Variants in DIP2A observed in about 807,000 individuals in gnomAD.
DIP2A encodes the protein disco-interacting protein 2 homolog A.
A neutral mutation model predicts 177.4 loss-of-function variants in DIP2A; 85 were observed. The observed-to-expected ratio is 0.48, with a 90% CI of 0.40 to 0.57. The LOEUF is 0.57. Among genes scored for constraint, DIP2A ranks in the 20% least tolerant of loss-of-function variants. The pLI, the probability that DIP2A is intolerant of heterozygous loss-of-function variation, is 0.00. For synonymous variants in DIP2A, 886 were observed against 881.8 expected, an observed-to-expected ratio of 1.00 and a Z score of -0.08; for missense variants, 1,791 against 2,100.2, an observed-to-expected ratio of 0.85 and a Z score of 2.88.
chr21:46,583,063 A>G, the DIP2A span, among the ~76,000 whole-genome samples: 1 of 152,192 alleles, frequency 6.6e-6, no homozygotes, highest in Non-Finnish European at 1.5e-5. Context: ...GGATGAGAAA[A>G]GGTACATCAT....
chr21:46,489,187 G>T (rs1302548829), intron 2 of DIP2A, among the ~76,000 whole-genome samples: 2 of 152,220 alleles, frequency 1.3e-5, no homozygotes, highest in Non-Finnish European at 2.9e-5. Flanking sequence ...ACTGATTTCT[G>T]TAGAGAGTGT....
chr21:46,536,548 A>G (rs1033088675), intron 13 of DIP2A, among the ~76,000 whole-genome samples: 1 of 152,184 alleles, frequency 6.6e-6, no homozygotes, highest in African/African-American at 2.4e-5. Flanking sequence ...AATATCCCTG[A>G]CAGTTTTTCA....
At chr21:46,539,488 C>A (rs1052548890) in intron 16 of DIP2A, 1 of 323,172 alleles carries the variant, frequency 3.1e-6, no homozygotes, top group Non-Finnish European at 6.1e-6. Context: ...CCCAGGCGCA[C>A]CGCCACTCCG....
rs553400083 is a variant in DIP2A at position 46,541,995 on chromosome 21, C to A, written c.2176+100C>A. On this transcript the variant is annotated intron_variant, in intron 18 of 37. Coordinates refer to ENST00000417564, the MANE Select transcript of DIP2A (RefSeq NM_015151.4). ...GACGGAGTCTTGCTTTGTCACCAGGCTGGAGTGCAGTGGTGTGATCTTGGC... is the reference window on the plus strand; with the variant it reads ...GACGGAGTCTTGCTTTGTCACCAGGATGGAGTGCAGTGGTGTGATCTTGGC... 13 of 1,452,120 alleles carry A rather than the reference C, an allele frequency of 9.0e-6. No homozygotes were observed. The Admixed American group carries it at 2.1e-4, about 24-fold the overall frequency. 90.0% of individuals were successfully genotyped at this position (1,452,120 alleles called of 1,614,324 possible). A position where few individuals can be genotyped will look rare whatever the true frequency, so the allele number is the denominator to read the frequency against.
chr21:46,554,786 G>GCAC, intron 27 of DIP2A, 36 bp from the exon 28 acceptor site: 10 of 1,519,124 alleles, frequency 6.6e-6, no homozygotes, highest in South Asian at 3.6e-5. Flanking sequence ...AGCTTGAGAG[G>GCAC]CCCCGCCCAC....
intron 28 of DIP2A, 135 bp downstream of exon 28, chr21:46,555,068 T>G (rs1601827473): frequency 1.1e-6 from 1 of 901,934 alleles, no homozygotes. Context: ...CAGCAGGGGG[T>G]GCCCCGGGCC....
chr21:46,504,803 GTTTC>G (rs2057888185), intron 6 of DIP2A, among the ~76,000 whole-genome samples: 2 of 152,192 alleles, frequency 1.3e-5, no homozygotes, highest in African/African-American at 4.8e-5. Context: ...GCTGTGGGAA[GTTTC>G]TTTATTTAGA....
Position 46,533,525 on chromosome 21 carries a change from A to T in DIP2A, c.1307A>T (p.Asp436Val), listed in dbSNP as rs749398219. 1 of 1,613,160 alleles carries T rather than the reference A, an allele frequency of 6.2e-7. No individual in the cohort carries two copies. The highest frequency in any genetic ancestry group is 2.2e-5 in the East Asian group (1 of 44,866). Residue 436 changes from aspartate (D) to valine (V), a missense_variant and splice_region_variant, in exon 11 of 38, where the codon GAT becomes GTT. By Grantham distance (152) the Asp-to-Val change is radical. Coordinates refer to ENST00000417564, the MANE Select transcript of DIP2A (RefSeq NM_015151.4). ...ACACGGTCACTCTGCTTTCTGCAGG[A>T]TGCAGGCAGCCAGCAGGTTGGGTTT... ...VPIEVPLTRK[D>V]AGSQQVGFLL...
At chr21:46,581,967 G>C in the DIP2A span, among the ~76,000 whole-genome samples, 7,826 of 152,278 alleles carry the variant, frequency 0.051, 286 homozygotes, top group Non-Finnish European at 0.076. Context: ...CTGCCCCTTG[G>C]TGGAGTGGGT....
rs149955222 is a variant in DIP2A, at chr21:46,485,993, C to T, written c.163+1165C>T. Among the ~76,000 whole-genome samples the T allele has an allele frequency of 9.3e-4, 135 of 145,718 alleles. 2 individuals are homozygous for T. The East Asian group carries it at 0.027, about 29-fold the overall frequency. ...GGCTGAGACAGGAGAATCACTTGAA[C>T]CTGGGAGGTGGAGGTTGCAGTGAGC... On this transcript the variant is annotated intron_variant, in intron 2 of 37. Coordinates refer to ENST00000417564, the MANE Select transcript of DIP2A (RefSeq NM_015151.4).
rs1235664008 is a variant in DIP2A at position 46,545,871 on chromosome 21, C to A, written c.2314-10C>A. On this transcript the variant is annotated splice_polypyrimidine_tract_variant and intron_variant, in intron 19 of 37. Coordinates refer to ENST00000417564, the MANE Select transcript of DIP2A (RefSeq NM_015151.4). ...CACAGCCTGATCGTGCCCCTCTCCA[C>A]TTTGTGCAGGCAGTTCCGGTCACCA... 3.7e-6 allele frequency: 6 copies of A among 1,613,194 alleles called. No homozygotes were observed. In the East Asian group the frequency reaches 1.3e-4, roughly 36 times the overall value.
chr21:46,579,815 A>G, the DIP2A span, among the ~76,000 whole-genome samples: 3 of 152,134 alleles, frequency 2.0e-5, no homozygotes, highest in Non-Finnish European at 1.5e-5. Context: ...GTGGTCTGAA[A>G]GACTGTTATA....
intron 8 of DIP2A, among the ~76,000 whole-genome samples, chr21:46,520,163 C>T (rs9984590): frequency 0.16 from 24,303 of 151,952 alleles, 2,199 homozygotes; most frequent in African/African-American, 0.21. Flanking sequence ...CATGAGCCAC[C>T]GCACCCAGCC....
intron 35 of DIP2A, 81 bp from the exon 36 acceptor site, chr21:46,565,632 C>A: frequency 7.1e-7 from 1 of 1,402,150 alleles, no homozygotes; most frequent in South Asian, 1.4e-5. Context: ...GAGCATTATT[C>A]TTGGCCAGTG....
At chr21:46,491,278 T>G (rs990956794) in intron 3 of DIP2A, among the ~76,000 whole-genome samples, 1 of 151,414 alleles carries the variant, frequency 6.6e-6, no homozygotes, top group African/African-American at 2.4e-5. Flanking sequence ...GCACGTTATC[T>G]ATTTAATATT....
chr21:46,554,786 G>GGGGGGGGGGGGGGGCC, intron 27 of DIP2A, 36 bp from the exon 28 acceptor site: 20 of 1,518,788 alleles, frequency 1.3e-5, no homozygotes, highest in Non-Finnish European at 1.8e-5. Flanking sequence ...AGCTTGAGAG[G>GGGGGGGGGGGGGGGCC]CCCCGCCCAC....
At chr21:46,571,949 G>A (rs1428064533), downstream of DIP2A, among the ~76,000 whole-genome samples, 1 of 152,140 alleles carries the variant, frequency 6.6e-6, no homozygotes, top group African/African-American at 2.4e-5. Flanking sequence ...GAGTAGGAGT[G>A]GTGAGAAAGA....
intron 1 of DIP2A, among the ~76,000 whole-genome samples, chr21:46,477,021 T>C (rs951433828): frequency 6.6e-6 from 1 of 152,062 alleles, no homozygotes; most frequent in Admixed American, 6.6e-5. Flanking sequence ...GTAAAAAGGA[T>C]CATTTAATTT....
At chr21:46,463,745 G>C (rs1228146901) in intron 1 of DIP2A, among the ~76,000 whole-genome samples, 1 of 145,644 alleles carries the variant, frequency 6.9e-6, no homozygotes. Flanking sequence ...GTCTCACTCT[G>C]TTGCCCAGTC....
Sources: allele counts gnomAD v4.1 joint callset (sites outside exome capture counted in the v4.1 genomes callset), GRCh38; gene constraint gnomAD v4.1.1; transcripts MANE v1.5; gene names NCBI Gene and HGNC (gene_info 2026-07-23, HGNC 2026-07-21).